BCAS3: variants seen among roughly 807,000 people sequenced by gnomAD.
BCAS3 encodes the protein BCAS4/BCAS3 fusion.
Under a neutral mutation model 116.1 loss-of-function variants are expected in BCAS3, and 53 were observed. The ratio of observed to expected loss-of-function variants is 0.46; its 90% CI spans 0.37 to 0.57. The LOEUF (loss-of-function observed/expected upper bound fraction) is 0.57. Ranked by LOEUF, BCAS3 falls within the 20% of genes least tolerant of loss-of-function variation. The pLI is 0.00. For synonymous variants in BCAS3, 391 were observed against 408.2 expected, an observed-to-expected ratio of 0.96 and a Z score of 0.51; for missense variants, 917 against 1,165.4, an observed-to-expected ratio of 0.79 and a Z score of 3.10.
intron 12 of BCAS3, among the ~76,000 whole-genome samples, chr17:60,911,119 C>CTTTCTTT (rs2058476831): frequency 2.8e-5 from 1 of 35,314 alleles, no homozygotes; most frequent in Non-Finnish European, 6.0e-5. Context: ...TTCTTTTTTT[C>CTTTCTTT]TTTCTTTTTT....
intron 20 of BCAS3, among the ~76,000 whole-genome samples, chr17:61,076,172 C>T (rs1468465758): frequency 6.6e-6 from 1 of 152,158 alleles, no homozygotes; most frequent in Non-Finnish European, 1.5e-5. Flanking sequence ...TTACAAATGA[C>T]TTCATTACAA....
At chr17:60,801,493 C>T (rs1459100073) in intron 6 of BCAS3, among the ~76,000 whole-genome samples, 1 of 151,122 alleles carries the variant, frequency 6.6e-6, no homozygotes, top group Non-Finnish European at 1.5e-5. Flanking sequence ...TTGTTTGCTG[C>T]CTTATTATAC....
In BCAS3 at chr17:61,156,242, A is replaced by G. The variant is rs2077830307; in HGVS notation, c.2425+71678A>G. ...AATTCTCTGGTTAAAGTTTGGGTCAATGTATTCATTTTGGTCTTCTTTTCA... is the reference window on the plus strand; with the variant it reads ...AATTCTCTGGTTAAAGTTTGGGTCAGTGTATTCATTTTGGTCTTCTTTTCA... On this transcript the variant is annotated intron_variant, in intron 22 of 23. Coordinates refer to ENST00000407086, the MANE Select transcript of BCAS3 (RefSeq NM_017679.5). This position sits in a 1 kb window ranked among gnomAD's most constrained non-coding sequence, Gnocchi z 4.7. Among the ~76,000 whole-genome samples, 1 of 152,050 alleles carries G rather than the reference A, an allele frequency of 6.6e-6. No individual in the cohort carries two copies. Among genetic ancestry groups the G allele is most frequent in the East Asian group, 1.9e-4 (1 of 5,182 alleles).
At chr17:61,158,306 A>G (rs2077977264) in intron 22 of BCAS3, among the ~76,000 whole-genome samples, 1 of 152,110 alleles carries the variant, frequency 6.6e-6, no homozygotes, top group Admixed American at 6.5e-5. Context: ...CATTTTTCTC[A>G]AGTGTTTCAG....
chr17:61,314,990 C>T (rs571025749), intron 22 of BCAS3, among the ~76,000 whole-genome samples: 1 of 152,294 alleles, frequency 6.6e-6, no homozygotes, highest in Non-Finnish European at 1.5e-5. Context: ...CCGCGCTTGT[C>T]TGATGTTGGA....
Position 61,084,549 on chromosome 17 carries a change from A to G in BCAS3, c.2410A>G (p.Ile804Val), listed in dbSNP as rs1293125376. 3.1e-6 allele frequency: 5 copies of G among 1,613,796 alleles called. No individual in the cohort carries two copies. The highest frequency in any genetic ancestry group is 4.2e-6 in the Non-Finnish European group (5 of 1,179,720). The change falls in exon 22 of 24, where the codon ATT becomes GTT. Residue 804 changes from isoleucine (I) to valine (V), a missense_variant. Transcript: ENST00000407086. This position sits in a 1 kb window ranked among gnomAD's most constrained non-coding sequence, Gnocchi z 5.5. ...VSDRRGVSTV[I>V]DAASGTFDRS... ...TGATCGAAGGGGAGTTTCCACAGTG[A>G]TTGATGCTGCCTCAGGTAGAAAACC...
rs1315470563 is a variant in BCAS3 at position 61,356,305 on chromosome 17, T to C, written c.2426-12022T>C. ...CACCGCACCTGGCCAGGAAACATTG[T>C]CATTGCAGCCCAGCTACAAAATGAT... On this transcript the variant is annotated intron_variant, in intron 22 of 23. Transcript: ENST00000407086. This position sits in a 1 kb window ranked among gnomAD's most constrained non-coding sequence, Gnocchi z 5.4. Among the ~76,000 whole-genome samples, 1 of 151,974 alleles carries C rather than the reference T, an allele frequency of 6.6e-6. No individual in the cohort carries two copies. Among genetic ancestry groups the C allele is most frequent in the Non-Finnish European group, 1.5e-5 (1 of 67,976 alleles).
In BCAS3 at chr17:61,045,902, TA is replaced by T. The variant is rs574340037; in HGVS notation, c.2029+5013del. Among the ~76,000 whole-genome samples the T allele has an allele frequency of 3.2e-3, 114 of 36,086 alleles. 8 individuals are homozygous for T. The highest frequency in any genetic ancestry group is 0.019 in the African/African-American group (67 of 3,526). 23.7% of individuals were successfully genotyped at this position (36,086 alleles called of 152,430 possible). On this transcript the variant is annotated intron_variant, in intron 19 of 23. Coordinates refer to ENST00000407086, the MANE Select transcript of BCAS3 (RefSeq NM_017679.5). Reference sequence around the variant, plus strand: ...ATATATATTATATATATAATATATATAAATATATATTTATATATATAATATA... The same window carrying T: ...ATATATATTATATATATAATATATATAATATATATTTATATATATAATATA...
intron 12 of BCAS3, among the ~76,000 whole-genome samples, chr17:60,911,794 A>C (rs184222267): frequency 1.3e-5 from 2 of 152,356 alleles, no homozygotes; most frequent in Admixed American, 1.3e-4. Flanking sequence ...TAAACAAATT[A>C]ATTAATAGTT....
rs2063650257 is a variant in BCAS3 at position 60,993,364 on chromosome 17, G to A, written c.1486+3129G>A. The stretch of plus-strand genomic sequence containing the variant: ...AGCTTTATTGCTTTCATGTCTCTCT[G>A]CATGTTTTTTTCAGAAATCTCAAAG... On this transcript the variant is annotated intron_variant, in intron 15 of 23. Transcript: ENST00000407086. This position sits in a 1 kb window ranked among gnomAD's most constrained non-coding sequence, Gnocchi z 4.2. Among the ~76,000 whole-genome samples the A allele has an allele frequency of 6.6e-6, 1 of 152,146 alleles. No homozygotes were observed. The highest frequency in any genetic ancestry group is 1.5e-5 in the Non-Finnish European group (1 of 67,992).
chr17:61,119,647 A>G (rs898345865), intron 22 of BCAS3, among the ~76,000 whole-genome samples: 2 of 152,004 alleles, frequency 1.3e-5, no homozygotes, highest in African/African-American at 2.4e-5. Context: ...CCATTATACA[A>G]TTACTCTAGA....
chr17:61,271,274 CATG>C (rs1433726861), intron 22 of BCAS3, among the ~76,000 whole-genome samples: 1 of 148,954 alleles, frequency 6.7e-6, no homozygotes, highest in Non-Finnish European at 1.5e-5. Context: ...ATTACAGGCG[CATG>C]CCACCACGCC....
At chr17:60,733,386 G>A (rs2040654403) in intron 5 of BCAS3, among the ~76,000 whole-genome samples, 1 of 152,180 alleles carries the variant, frequency 6.6e-6, no homozygotes, top group South Asian at 2.1e-4. Flanking sequence ...TCAGGTATTG[G>A]CTGCTCTTGC....
chr17:61,388,441 G>A lies in BCAS3; in HGVS notation c.2594-3536G>A. The A allele has an allele frequency of 1.7e-6, 1 of 583,080 alleles. No individual in the cohort carries two copies. The highest frequency in any genetic ancestry group is 3.0e-6 in the Non-Finnish European group (1 of 331,534). The allele number at this position is 583,080 out of a possible 1,614,324, so 36.1% of individuals were successfully genotyped here. A position where few individuals can be genotyped will look rare whatever the true frequency, so the allele number is the denominator to read the frequency against. On this transcript the variant is annotated intron_variant, in intron 23 of 23. Coordinates refer to ENST00000407086, the MANE Select transcript of BCAS3 (RefSeq NM_017679.5). The surrounding 1 kb of genome is among the most constrained non-coding windows in gnomAD (Gnocchi z 6.5). ...ATCTCTGGGACCCCCAAGACAGATT[G>A]GTCCCCAGCCCCTACACATGCATGT...
chr17:61,039,298 T>A (rs1600680912), intron 18 of BCAS3, among the ~76,000 whole-genome samples: 1 of 152,236 alleles, frequency 6.6e-6, no homozygotes, highest in Admixed American at 6.5e-5. Flanking sequence ...TATGGCTACA[T>A]AATACTCCAT....
intron 4 of BCAS3, among the ~76,000 whole-genome samples, chr17:60,703,616 G>GT (rs1435380714): frequency 6.8e-6 from 1 of 147,618 alleles, no homozygotes; most frequent in Non-Finnish European, 1.5e-5. Flanking sequence ...GCAGGATGCT[G>GT]TAAGAAAGAC....
intron 22 of BCAS3, among the ~76,000 whole-genome samples, chr17:61,237,275 C>G (rs1475683440): frequency 6.6e-6 from 1 of 152,160 alleles, no homozygotes; most frequent in East Asian, 1.9e-4. Flanking sequence ...AATCAGCGCT[C>G]TGTAAAGCAC....
Position 61,131,765 on chromosome 17 carries a change from T to C in BCAS3, c.2425+47201T>C, listed in dbSNP as rs1943778691. ...CCCCTTAGGGGCTGAGCAGAAACACTCATGAAGGAGCCCTGATTAAAAAGA... is the reference window on the plus strand; with the variant it reads ...CCCCTTAGGGGCTGAGCAGAAACACCCATGAAGGAGCCCTGATTAAAAAGA... On this transcript the variant is annotated intron_variant, in intron 22 of 23. Coordinates refer to ENST00000407086, the MANE Select transcript of BCAS3 (RefSeq NM_017679.5). This position sits in a 1 kb window ranked among gnomAD's most constrained non-coding sequence, Gnocchi z 4.4. Among the ~76,000 whole-genome samples the C allele has an allele frequency of 6.6e-6, 1 of 152,144 alleles. No homozygotes were observed. Among genetic ancestry groups the C allele is most frequent in the Non-Finnish European group, 1.5e-5 (1 of 68,038 alleles).
At chr17:60,924,759 T>G (rs1412073904) in intron 13 of BCAS3, among the ~76,000 whole-genome samples, 2 of 152,058 alleles carry the variant, frequency 1.3e-5, no homozygotes, top group Non-Finnish European at 2.9e-5. Flanking sequence ...TTGAGTTACA[T>G]GAATTTCTGT....
Sources: gnomAD v4.1 joint callset for allele counts (sites outside exome capture counted in the v4.1 genomes callset) on GRCh38, gnomAD v4.1.1 for gene constraint, Gnocchi (gnomAD v3.1) non-coding constraint, MANE v1.5 for transcripts, NCBI Gene and HGNC (gene_info 2026-07-23, HGNC 2026-07-21) for gene names.